OR2L13: variants seen among roughly 807,000 people sequenced by gnomAD.
The protein encoded by OR2L13 is olfactory receptor family 2 subfamily L member 13, also known as olfactory receptor 2L13.
A neutral mutation model predicts 15.3 loss-of-function variants in OR2L13; 14 were observed. That is an observed-to-expected ratio of 0.91 (90% CI 0.60 to 1.43). OR2L13 has a LOEUF of 1.43. OR2L13 is among the 40% of genes most tolerant of loss of function. OR2L13 has a pLI of 0.00. For synonymous variants in OR2L13, 152 were observed against 142.9 expected, an observed-to-expected ratio of 1.06 and a Z score of -0.45; for missense variants, 367 against 387.9, an observed-to-expected ratio of 0.95 and a Z score of 0.45.
At chr1:247,970,874 A>C in the OR2L13 span, among the ~76,000 whole-genome samples, 1 of 152,182 alleles carries the variant, frequency 6.6e-6, no homozygotes, top group Non-Finnish European at 1.5e-5. Context: ...GGCTTCATGC[A>C]TGCAGGAGGA....
At chr1:248,005,186 T>C in the OR2L13 span, among the ~76,000 whole-genome samples, 1 of 152,200 alleles carries the variant, frequency 6.6e-6, no homozygotes, top group Non-Finnish European at 1.5e-5. Context: ...AAGTGTGGAA[T>C]TGGAATGTTC....
At chr1:247,961,813 A>G in the OR2L13 span, among the ~76,000 whole-genome samples, 1 of 152,212 alleles carries the variant, frequency 6.6e-6, no homozygotes, top group Non-Finnish European at 1.5e-5. Flanking sequence ...GATATTTGGT[A>G]GCTAGCAGAG....
At chr1:248,046,383 C>G in the OR2L13 span, among the ~76,000 whole-genome samples, 1 of 152,108 alleles carries the variant, frequency 6.6e-6, no homozygotes, top group Non-Finnish European at 1.5e-5. Context: ...ATAAACCAAA[C>G]GGAGAAAGAA....
At chr1:247,960,488 T>C in the OR2L13 span, among the ~76,000 whole-genome samples, 4 of 152,184 alleles carry the variant, frequency 2.6e-5, no homozygotes, top group Non-Finnish European at 4.4e-5. Flanking sequence ...GACCTTTAAG[T>C]CTGCAGAGGT....
chr1:247,971,619 G>A, the OR2L13 span, among the ~76,000 whole-genome samples: 211 of 152,168 alleles, frequency 1.4e-3, no homozygotes, highest in African/African-American at 4.8e-3. Context: ...AAGGGGTCCA[G>A]TTTCAGTTTT....
At chr1:248,079,135 C>G in the OR2L13 span, among the ~76,000 whole-genome samples, 1 of 152,070 alleles carries the variant, frequency 6.6e-6, no homozygotes, top group Non-Finnish European at 1.5e-5. Context: ...ATACATATAA[C>G]AACTGGTGAA....
At chr1:247,965,910 C>A in the OR2L13 span, 1 of 1,611,980 alleles carries the variant, frequency 6.2e-7, no homozygotes, top group Non-Finnish European at 8.5e-7. Flanking sequence ...ACCACTTTTT[C>A]TGTGAAGTTC....
At chr1:248,066,977 T>A in the OR2L13 span, among the ~76,000 whole-genome samples, 1 of 152,200 alleles carries the variant, frequency 6.6e-6, no homozygotes, top group Non-Finnish European at 1.5e-5. Flanking sequence ...CATCTACAAT[T>A]TGCAGGAAAA....
At chr1:248,034,671 CA>C in the OR2L13 span, among the ~76,000 whole-genome samples, 1 of 152,078 alleles carries the variant, frequency 6.6e-6, no homozygotes, top group East Asian at 1.9e-4. Flanking sequence ...TGTCATTTTT[CA>C]ATATATAAGC....
the OR2L13 span, among the ~76,000 whole-genome samples, chr1:247,992,690 T>G: frequency 6.6e-6 from 1 of 152,216 alleles, no homozygotes; most frequent in East Asian, 1.9e-4. Flanking sequence ...CCATTATCAC[T>G]TGCAAACAGT....
the OR2L13 span, among the ~76,000 whole-genome samples, chr1:247,993,753 G>C: frequency 6.2e-3 from 290 of 46,938 alleles, 2 homozygotes; most frequent in African/African-American, 0.023. Context: ...GAAAGAGACA[G>C]AGAGAGGGGG....
At chr1:247,948,448 A>G in the OR2L13 span, among the ~76,000 whole-genome samples, 11 of 152,016 alleles carry the variant, frequency 7.2e-5, no homozygotes, top group Admixed American at 6.6e-4. Context: ...CATATTTCTC[A>G]GAAAAAAACT....
the OR2L13 span, among the ~76,000 whole-genome samples, chr1:247,988,285 C>A: frequency 6.6e-6 from 1 of 151,354 alleles, no homozygotes; most frequent in African/African-American, 2.4e-5. Context: ...TTCTTTTTTC[C>A]TTCTGATAGA....
the OR2L13 span, among the ~76,000 whole-genome samples, chr1:248,016,804 T>C: frequency 6.6e-6 from 1 of 152,130 alleles, no homozygotes; most frequent in Non-Finnish European, 1.5e-5. Flanking sequence ...TGTGTGTTTG[T>C]GTAAATATAG....
At chr1:247,937,901 G>A in the OR2L13 span, among the ~76,000 whole-genome samples, 1 of 152,070 alleles carries the variant, frequency 6.6e-6, no homozygotes, top group African/African-American at 2.4e-5. Context: ...AAAATGATTA[G>A]CCTTTCACAA....
At chr1:247,939,536 C>T in the OR2L13 span, 1 of 152,186 alleles carries the variant, frequency 6.6e-6, no homozygotes, top group African/African-American at 2.4e-5. Flanking sequence ...ACACTCAATC[C>T]TGTCGTCTAC....
the OR2L13 span, chr1:248,022,932 C>A: frequency 1.4e-6 from 2 of 1,468,340 alleles, no homozygotes; most frequent in Non-Finnish European, 1.8e-6. Context: ...CATATCAACT[C>A]AGCAGTGTAC....
At chr1:247,967,486 C>G in the OR2L13 span, among the ~76,000 whole-genome samples, 1 of 152,166 alleles carries the variant, frequency 6.6e-6, no homozygotes, top group Non-Finnish European at 1.5e-5. Context: ...GCCTTGGCCT[C>G]CCAAAGTGCT....
the OR2L13 span, among the ~76,000 whole-genome samples, chr1:248,026,318 C>G: frequency 6.6e-6 from 1 of 152,152 alleles, no homozygotes; most frequent in Non-Finnish European, 1.5e-5. Flanking sequence ...CTGCCTTCAC[C>G]ACTCCTGAGA....
Sources: allele counts gnomAD v4.1 joint callset (sites outside exome capture counted in the v4.1 genomes callset), GRCh38; gene constraint gnomAD v4.1.1; transcripts MANE v1.5; gene names NCBI Gene and HGNC (gene_info 2026-07-23, HGNC 2026-07-21).